Variants in SVOPL observed in about 807,000 individuals in gnomAD.
The protein encoded by SVOPL is putative transporter SVOPL.
A neutral mutation model predicts 61.0 loss-of-function variants in SVOPL; 60 were observed. The observed-to-expected ratio is 0.98, with a 90% CI of 0.80 to 1.22. SVOPL has a LOEUF of 1.22. SVOPL is among the 50% of genes most tolerant of loss of function. The pLI is 0.00. For synonymous variants in SVOPL, 279 were observed against 250.0 expected, an observed-to-expected ratio of 1.12 and a Z score of -1.09; for missense variants, 662 against 643.9, an observed-to-expected ratio of 1.03 and a Z score of -0.30.
rs190732587 is a variant in SVOPL, at chr7:138,649,319, G to A, written c.535-182C>T. Among the ~76,000 whole-genome samples, 178 of 152,186 alleles carry A rather than the reference G, an allele frequency of 1.2e-3. 1 individual carries two copies. Among genetic ancestry groups the A allele is most frequent in the Admixed American group, 9.3e-3 (142 of 15,266 alleles). On this transcript the variant is annotated intron_variant, in intron 7 of 15. Coordinates refer to ENST00000674285, the MANE Select transcript of SVOPL (RefSeq NM_001139456.2). ...TTTTGTTTTGTTTTGTTTTGAGACA[G>A]GGTCCACTCTCTCACCCAGGCTGGA...
In SVOPL at chr7:138,596,505, C is replaced by T; in HGVS notation, c.1379G>A (p.Gly460Glu). The T allele has an allele frequency of 1.9e-6, 3 of 1,613,698 alleles. No homozygotes were observed. Among genetic ancestry groups the T allele is most frequent in the African/African-American group, 1.3e-5 (1 of 74,972 alleles). The stretch of plus-strand genomic sequence containing the variant: ...GACAGATGAGAAGAGACACAGGGCC[C>T]CCAGTATTGATGCACTCATAAGAAC... ...SQVLMSASILGALCLFSSVCV... is the reference protein window; with the variant it reads ...SQVLMSASILEALCLFSSVCV... The change falls in exon 15 of 16, where the codon GGG (glycine) becomes GAG (glutamate). Residue 460 changes from glycine (G) to glutamate (E), a missense_variant. Transcript: ENST00000674285.
At chr7:138,671,206 C>A (rs1217868765) in intron 4 of SVOPL, among the ~76,000 whole-genome samples, 1 of 152,166 alleles carries the variant, frequency 6.6e-6, no homozygotes, top group Non-Finnish European at 1.5e-5. Context: ...GCTTCACCTC[C>A]CATCACTACC....
rs1424952864 is a variant in SVOPL, at chr7:138,686,560, GGGT to G, written c.-34-7484_-34-7482del. 3.9e-3 allele frequency among the ~76,000 whole-genome samples: 516 copies of G among 133,032 alleles called. 10 individuals are homozygous for G. Among genetic ancestry groups the G allele is most frequent in the African/African-American group, 0.014 (487 of 35,410 alleles). 87.3% of individuals were successfully genotyped at this position (133,032 alleles called of 152,430 possible). A position where few individuals can be genotyped will look rare whatever the true frequency, so the allele number is the denominator to read the frequency against. On this transcript the variant is annotated intron_variant, in intron 1 of 15. Transcript: ENST00000674285. ...TGGCCTAAGGAGTTTTTTGTTTTTT[GGGT>G]TTTTTTTTTTTTTTTTTTTGAGACA...
At chr7:138,698,628 C>T (rs887573430) in intron 1 of SVOPL, among the ~76,000 whole-genome samples, 2 of 152,142 alleles carry the variant, frequency 1.3e-5, no homozygotes, top group Admixed American at 6.6e-5. Context: ...AGATCCAAGC[C>T]ACTGTGATTT....
chr7:138,632,625 G>A (rs1800263675), intron 9 of SVOPL, among the ~76,000 whole-genome samples: 1 of 151,820 alleles, frequency 6.6e-6, no homozygotes. Context: ...GAAAAGCAGA[G>A]GAAGTAGGAT....
intron 14 of SVOPL, among the ~76,000 whole-genome samples, chr7:138,603,403 G>C (rs1674053992): frequency 6.6e-6 from 1 of 152,160 alleles, no homozygotes; most frequent in Non-Finnish European, 1.5e-5. Context: ...GCTAAAGCAG[G>C]CCGGGTGCGG....
chr7:138,633,721 C>T (rs201090092), intron 9 of SVOPL, among the ~76,000 whole-genome samples: 7,543 of 152,160 alleles, frequency 0.05, 469 homozygotes, highest in East Asian at 0.14. Flanking sequence ...GTGAGAATAC[C>T]TTACCAAAAT....
In SVOPL at chr7:138,621,050, G is replaced by A. The variant is rs1280533615; in HGVS notation, c.1349C>T (p.Ser450Phe). 2 of 1,613,474 alleles carry A rather than the reference G, an allele frequency of 1.2e-6. No individual in the cohort carries two copies. The highest frequency in any genetic ancestry group is 1.7e-6 in the Non-Finnish European group (2 of 1,179,728). ...RIGAMVAPFI[S>F]QVLMSASILG... ...CTGCAGGGTCCTTGGCTGTACCTGG[G>A]ATATAAATGGTGCCACCATTGCACC... Residue 450 changes from serine (S) to phenylalanine (F), a missense_variant, in exon 14 of 16, where the codon TCC (serine) becomes TTC (phenylalanine). Ser to Phe is a radical substitution (Grantham distance 155). Coordinates refer to ENST00000674285, the MANE Select transcript of SVOPL (RefSeq NM_001139456.2).
intron 1 of SVOPL, among the ~76,000 whole-genome samples, chr7:138,682,582 C>A (rs998913324): frequency 3.9e-5 from 6 of 152,062 alleles, no homozygotes; most frequent in Admixed American, 3.9e-4. Flanking sequence ...AAAGGGGAAC[C>A]TATAGACTAA....
intron 14 of SVOPL, among the ~76,000 whole-genome samples, chr7:138,610,038 T>C (rs547301266): frequency 6.6e-6 from 1 of 152,304 alleles, no homozygotes; most frequent in East Asian, 1.9e-4. Flanking sequence ...AGCCTTATTA[T>C]TGTGGTTTAT....
At chr7:138,687,492 C>A (rs1026920920) in intron 1 of SVOPL, among the ~76,000 whole-genome samples, 1 of 151,598 alleles carries the variant, frequency 6.6e-6, no homozygotes, top group East Asian at 1.9e-4. Flanking sequence ...CAACCTCAGC[C>A]TCCCAAAGTG....
At chr7:138,687,094 C>T (rs7798990) in intron 1 of SVOPL, among the ~76,000 whole-genome samples, 12,196 of 152,082 alleles carry the variant, frequency 0.08, 1,329 homozygotes, top group African/African-American at 0.24. Context: ...AATAATTGGT[C>T]TCTCAGCCCA....
chr7:138,696,415 T>C (rs774810011), intron 1 of SVOPL, among the ~76,000 whole-genome samples: 2 of 151,406 alleles, frequency 1.3e-5, no homozygotes, highest in African/African-American at 4.9e-5. Context: ...GTTGTTGTTG[T>C]TTGTTGTTGT....
rs754891231 is a variant in SVOPL, at chr7:138,630,068, A to G, written c.844T>C (p.Leu282=). 2 of 1,613,774 alleles carry G rather than the reference A, an allele frequency of 1.2e-6. No individual in the cohort carries two copies. Among genetic ancestry groups the G allele is most frequent in the African/African-American group, 2.7e-5 (2 of 74,912 alleles). The change falls in exon 10 of 16, where the codon TTA becomes CTA. Residue 282 remains leucine (L), a synonymous_variant. Coordinates refer to ENST00000674285, the MANE Select transcript of SVOPL (RefSeq NM_001139456.2). ...TCTTACCATATGACCCAGATCTGTA[A>G]TGTGGTCCGTAAATATTTAGCATCC... ...LLDAKYLRTT[L]QIWVIWLGIS...
chr7:138,671,832 A>C (rs897256079), intron 4 of SVOPL, among the ~76,000 whole-genome samples, 187 bp downstream of exon 4: 1 of 152,262 alleles, frequency 6.6e-6, no homozygotes, highest in Non-Finnish European at 1.5e-5. Context: ...GATAGTAAGC[A>C]GTTCAACATT....
At chr7:138,629,335 A>G (rs1004488770) in intron 10 of SVOPL, among the ~76,000 whole-genome samples, 1 of 150,854 alleles carries the variant, frequency 6.6e-6, no homozygotes, top group East Asian at 2.0e-4. Flanking sequence ...GGTTCAAGAG[A>G]TTCTCCTGCC....
rs79029242 is a variant in SVOPL at position 138,610,717 on chromosome 7, T to G, written c.1353+10329A>C. On this transcript the variant is annotated intron_variant, in intron 14 of 15. Transcript: ENST00000674285. ...CCCTGACACTTAAACACTAACGTAG[T>G]TTCTAAGAGCTCAAGGACACACCCT... Among the ~76,000 whole-genome samples, 416 of 152,312 alleles carry G rather than the reference T, an allele frequency of 2.7e-3. 3 individuals are homozygous for G. The East Asian group carries it at 0.032, about 12-fold the overall frequency.
At chr7:138,694,422 T>C (rs1378422377) in intron 1 of SVOPL, among the ~76,000 whole-genome samples, 2 of 151,974 alleles carry the variant, frequency 1.3e-5, no homozygotes, top group Non-Finnish European at 2.9e-5. Flanking sequence ...CTTTTTGTAT[T>C]TTTAGTAGAG....
intron 3 of SVOPL, among the ~76,000 whole-genome samples, chr7:138,675,992 CCACA>C (rs986872576): frequency 2.6e-5 from 4 of 152,194 alleles, no homozygotes; most frequent in Admixed American, 1.3e-4. Flanking sequence ...ACACATGCCA[CCACA>C]CATAGTTTTT....
Sources: gnomAD v4.1 joint callset for allele counts (sites outside exome capture counted in the v4.1 genomes callset) on GRCh38, gnomAD v4.1.1 for gene constraint, MANE v1.5 for transcripts, NCBI Gene and HGNC (gene_info 2026-07-23, HGNC 2026-07-21) for gene names.